The following SP140 variants were observed in gnomAD, a reference collection of about 807,000 sequenced individuals.
The protein encoded by SP140 is SP140 nuclear body protein.
In SP140, 81 loss-of-function variants were observed where a neutral mutation model predicts 125.0. The observed-to-expected ratio is 0.65, with a 90% CI of 0.54 to 0.78. The LOEUF (loss-of-function observed/expected upper bound fraction) is 0.78. Ranked by LOEUF, SP140 falls within the 30% of genes least tolerant of loss-of-function variation. The pLI, the probability that SP140 is intolerant of heterozygous loss-of-function variation, is 0.00. For synonymous variants in SP140, 312 were observed against 354.0 expected, an observed-to-expected ratio of 0.88 and a Z score of 1.33; for missense variants, 858 against 1,037.0, an observed-to-expected ratio of 0.83 and a Z score of 2.37.
chr2:230,196,523 A>T, the SP140 span, among the ~76,000 whole-genome samples: 14 of 146,496 alleles, frequency 9.6e-5, no homozygotes, highest in African/African-American at 3.4e-4. Flanking sequence ...TAACTTTATG[A>T]TTTATAATTT....
intron 1 of SP140, among the ~76,000 whole-genome samples, chr2:230,228,567 T>C (rs1336099190): frequency 1.3e-5 from 2 of 152,202 alleles, no homozygotes; most frequent in Non-Finnish European, 2.9e-5. Context: ...ATTTTGCCAT[T>C]AGTTTGTTAG....
intron 12 of SP140, among the ~76,000 whole-genome samples, chr2:230,267,382 T>C (rs73104288): frequency 0.022 from 3,389 of 152,348 alleles, 150 homozygotes; most frequent in African/African-American, 0.078. Context: ...GTAGTTCTAT[T>C]TGCAGAATAG....
intron 22 of SP140, among the ~76,000 whole-genome samples, chr2:230,299,272 G>A (rs1416575200): frequency 6.6e-6 from 1 of 152,230 alleles, no homozygotes; most frequent in African/African-American, 2.4e-5. Flanking sequence ...TCCTCAAAGT[G>A]TGAGAGGGAA....
At chr2:230,308,065 G>A (rs548744567) in intron 22 of SP140, among the ~76,000 whole-genome samples, 23 of 137,328 alleles carry the variant, frequency 1.7e-4, no homozygotes, top group Admixed American at 5.4e-4. Flanking sequence ...GGTATAAAAA[G>A]GAATGAAATA....
chr2:230,211,324 C>A lies in SP140; in HGVS notation c.-322-2330C>A. On this transcript the variant is annotated intron_variant, in intron 1 of 4. Coordinates refer to the SP140 transcript ENST00000456542. The surrounding 1 kb of genome is among the most constrained non-coding windows in gnomAD (Gnocchi z 4.2). Reference sequence around the variant, plus strand: ...AGGTCGGGTCTCCTGCCTGTTCAAGCTCCCAAGTGCTGGGTGAACTGGAAG... The same window carrying A: ...AGGTCGGGTCTCCTGCCTGTTCAAGATCCCAAGTGCTGGGTGAACTGGAAG... 2 of 700,476 alleles carry A rather than the reference C, an allele frequency of 2.9e-6. No homozygotes were observed. Among genetic ancestry groups the A allele is most frequent in the East Asian group, 2.6e-5 (1 of 37,828 alleles). The allele number at this position is 700,476 out of a possible 1,614,324, so 43.4% of individuals were successfully genotyped here.
In SP140 at chr2:230,292,742, G is replaced by A; in HGVS notation, c.1922G>A (p.Arg641Lys). 1 of 1,614,260 alleles carries A rather than the reference G, an allele frequency of 6.2e-7. No homozygotes were observed. The highest frequency in any genetic ancestry group is 1.1e-5 in the South Asian group (1 of 91,090). Residue 641 changes from arginine to lysine, a missense_variant, in exon 20 of 27, where the codon AGG becomes AAG. Physicochemically the swap from Arg to Lys is conservative, Grantham distance 26. Transcript: ENST00000392045. ...GGCCATGCAAGATCAAAGAACTGGA[G>A]GCTGAGTGTGCGCTGTGGCGGGTGG... ...KGGHARSKNW[R>K]LSVRCGGWPL...
At chr2:230,267,024 G>T (rs539785301) in intron 12 of SP140, among the ~76,000 whole-genome samples, 3 of 152,160 alleles carry the variant, frequency 2.0e-5, no homozygotes, top group Admixed American at 2.0e-4. Flanking sequence ...ATATTTGGGG[G>T]CCATCTTAGA....
chr2:230,306,182 C>T (rs564482245), intron 22 of SP140, among the ~76,000 whole-genome samples: 41 of 152,290 alleles, frequency 2.7e-4, no homozygotes, highest in Admixed American at 1.4e-3. Flanking sequence ...CTCACACAGC[C>T]GGCAGGACCT....
upstream of SP140, among the ~76,000 whole-genome samples, chr2:230,222,772 T>C (rs1434874495): frequency 6.6e-6 from 1 of 151,294 alleles, no homozygotes; most frequent in Admixed American, 6.6e-5. Flanking sequence ...AATCCCCTCC[T>C]TAAGGCCAGC....
chr2:230,229,679 G>A (rs1044418520), intron 1 of SP140, among the ~76,000 whole-genome samples: 7 of 151,770 alleles, frequency 4.6e-5, no homozygotes, highest in Non-Finnish European at 8.8e-5. Flanking sequence ...ATGTTAGCCA[G>A]GATGGTCAAG....
upstream of SP140, chr2:230,202,986 A>G (rs974987815): frequency 2.9e-5 from 15 of 516,796 alleles, no homozygotes; most frequent in African/African-American, 2.7e-4. Flanking sequence ...AAAGCTGGGG[A>G]AATCCTAGAG....
At chr2:230,235,567 T>C (rs2047849276) in intron 1 of SP140, among the ~76,000 whole-genome samples, 1 of 152,200 alleles carries the variant, frequency 6.6e-6, no homozygotes, top group African/African-American at 2.4e-5. Flanking sequence ...TCTATCCTGA[T>C]GCATGTTTAA....
At chr2:230,283,552 G>C (rs1359436422) in intron 15 of SP140, among the ~76,000 whole-genome samples, 1 of 152,146 alleles carries the variant, frequency 6.6e-6, no homozygotes, top group Non-Finnish European at 1.5e-5. Flanking sequence ...TAGGTCTACA[G>C]AACACTCGCA....
At chr2:230,316,200 A>G (rs4973310), downstream of SP140, among the ~76,000 whole-genome samples, 36,036 of 152,106 alleles carry the variant, frequency 0.24, 5,298 homozygotes, top group African/African-American at 0.42. Flanking sequence ...GACTTACTAA[A>G]TCACAAACAC....
At chr2:230,231,367 G>A (rs748396357) in intron 1 of SP140, among the ~76,000 whole-genome samples, 1 of 152,174 alleles carries the variant, frequency 6.6e-6, no homozygotes, top group Non-Finnish European at 1.5e-5. Flanking sequence ...AGGAACTGAG[G>A]CAAATAAGCC....
intron 20 of SP140, among the ~76,000 whole-genome samples, chr2:230,293,636 A>G (rs2057377811): frequency 6.6e-6 from 1 of 152,102 alleles, no homozygotes; most frequent in African/African-American, 2.4e-5. Flanking sequence ...CCGCCCCGCC[A>G]TAAAACAGTA....
At chr2:230,215,697 T>C (rs1192813572) in intron 3 of SP140, among the ~76,000 whole-genome samples, 1 of 152,198 alleles carries the variant, frequency 6.6e-6, no homozygotes, top group East Asian at 1.9e-4. Context: ...TCTACTAGGC[T>C]CGGTCAGCGA....
chr2:230,225,901 C>T lies in SP140; in HGVS notation c.57C>T (p.Phe19=). Reference sequence around the variant, plus strand: ...CAAGTGGAGACAGCAATCTCAACTTCAGGTGGGTCATCGTCTCCTTTCCCG... The same window carrying T: ...CAAGTGGAGACAGCAATCTCAACTTTAGGTGGGTCATCGTCTCCTTTCCCG... The part of the protein sequence containing the change: ...QMASGDSNLN[F]RMVAEIQNVE... Residue 19 remains phenylalanine (F), a splice_region_variant and synonymous_variant, in exon 1 of 27, where the codon TTC becomes TTT. Transcript: ENST00000392045. The T allele has an allele frequency of 6.2e-7, 1 of 1,613,312 alleles. No homozygotes were observed. Among genetic ancestry groups the T allele is most frequent in the Non-Finnish European group, 8.5e-7 (1 of 1,179,292 alleles).
chr2:230,313,408 G>A (rs1036036635), downstream of SP140, among the ~76,000 whole-genome samples: 13 of 152,078 alleles, frequency 8.5e-5, 1 homozygote, highest in African/African-American at 2.9e-4. Flanking sequence ...AATATTACCC[G>A]GGGTCAAGTG....
Sources: gnomAD v4.1 joint callset for allele counts (sites outside exome capture counted in the v4.1 genomes callset) on GRCh38, gnomAD v4.1.1 for gene constraint, Gnocchi (gnomAD v3.1) non-coding constraint, MANE v1.5 for transcripts, NCBI Gene and HGNC (gene_info 2026-07-23, HGNC 2026-07-21) for gene names.